Variants in ZNF646 observed in about 807,000 individuals in gnomAD.
The protein encoded by ZNF646 is zinc finger protein 646.
In ZNF646, 49 loss-of-function variants were observed where a neutral mutation model predicts 115.4. That is an observed-to-expected ratio of 0.42 (90% CI 0.34 to 0.54). The LOEUF (loss-of-function observed/expected upper bound fraction) is 0.54. ZNF646 is among the 20% of genes least tolerant of loss of function. The pLI is 0.04. For synonymous variants in ZNF646, 933 were observed against 939.0 expected (o/e 0.99, Z 0.12); for missense variants, 2,269 against 2,457.9 (o/e 0.92, Z 1.62).
Position 31,078,886 on chromosome 16 carries a change from G to A in ZNF646, c.2562G>A (p.Pro854=), listed in dbSNP as rs199500973. The A allele has an allele frequency of 3.5e-5, 57 of 1,613,874 alleles. No homozygotes were observed. The highest frequency in any genetic ancestry group is 4.4e-5 in the Non-Finnish European group (52 of 1,180,034). ...GCATCTATCAGTGCTCCCTCTGCCC[G>A]AAGGAGTTTGACTCTCTGCCTGCCC... is the stretch of plus-strand genomic sequence containing the variant. ...PPGIYQCSLC[P]KEFDSLPALR... is the part of the protein sequence containing the mutation. The change falls in exon 2 of 3, where the codon CCG becomes CCA. Residue 854 remains proline, a synonymous_variant. Coordinates refer to ENST00000300850, the MANE Select transcript of ZNF646 (RefSeq NM_014699.4).
rs1567406337 is a variant in ZNF646 at position 31,077,165 on chromosome 16, C to A, written c.841C>A (p.Leu281Met). Residue 281 changes from leucine to methionine, a missense_variant, in exon 2 of 3, where the codon CTG (leucine) becomes ATG (methionine). Around this residue, in one of 5 missense-constraint regions of ZNF646, gnomAD observed 852 missense variants for 900.2 expected, o/e 0.95. Coordinates refer to ENST00000300850, the MANE Select transcript of ZNF646 (RefSeq NM_014699.4). ...CFKEFSNLMA[L>M]KNHSRLHAQY... is the part of the protein sequence containing the mutation. ...CAAGGAGTTCTCTAACCTCATGGCT[C>A]TGAAGAACCACTCTCGACTGCATGC... 6.2e-7 allele frequency: 1 copy of A among 1,614,230 alleles called. No individual in the cohort carries two copies. The highest frequency in any genetic ancestry group is 8.5e-7 in the Non-Finnish European group (1 of 1,180,044).
At position 31,076,606 on chromosome 16, in the gene ZNF646, G is replaced by A. The variant is rs755242292; in HGVS notation, c.282G>A (p.Met94Ile). The A allele has an allele frequency of 1.2e-6, 2 of 1,613,114 alleles. No individual in the cohort carries two copies. Among genetic ancestry groups the A allele is most frequent in the Non-Finnish European group, 1.7e-6 (2 of 1,179,782 alleles). ...ATCCCATGGCTCTCAAGAGCCATAT[G>A]AGGACACATGCTCCTGAGGGCCGCC... ...FSNPMALKSH[M>I]RTHAPEGRRR... is the part of the protein sequence containing the mutation. Residue 94 changes from methionine (M) to isoleucine (I), a missense_variant, in exon 2 of 3, where the codon ATG becomes ATA. Met to Ile is a conservative substitution (Grantham distance 10, BLOSUM62 1). Coordinates refer to ENST00000300850, the MANE Select transcript of ZNF646 (RefSeq NM_014699.4).
chr16:31,073,676 G>A (rs2057037096), upstream of ZNF646: 1 of 152,196 alleles, frequency 6.6e-6, no homozygotes, highest in African/African-American at 2.4e-5. Context: ...GACTTGTGCT[G>A]ACTCCGTGGC....
chr16:31,083,699 G>A lies in ZNF646; in HGVS notation c.*607G>A. 2 of 1,608,246 alleles carry A rather than the reference G, an allele frequency of 1.2e-6. No homozygotes were observed. The highest frequency in any genetic ancestry group is 1.7e-6 in the Non-Finnish European group (2 of 1,177,704). ...GGCTTCTGGGCCTGCCCTGGTGCCT[G>A]GAATCACACATGACAGGGTGGGGAG... On this transcript the variant is annotated 3_prime_UTR_variant, in exon 3 of 3. Transcript: ENST00000300850.
At position 31,076,964 on chromosome 16, in the gene ZNF646, C is replaced by G; in HGVS notation, c.640C>G (p.Leu214Val). 1.2e-6 allele frequency: 2 copies of G among 1,614,120 alleles called. No homozygotes were observed. Among genetic ancestry groups the G allele is most frequent in the Non-Finnish European group, 1.7e-6 (2 of 1,179,970 alleles). Residue 214 changes from leucine to valine, a missense_variant, in exon 2 of 3, where the codon CTG (leucine) becomes GTG (valine). By Grantham distance (32) the Leu-to-Val change is conservative (BLOSUM62 1). This residue lies in a region of ZNF646 where 334 missense variants were observed against 323.5 expected (regional missense o/e 1.03). Transcript: ENST00000300850. ...CCTTCTTAGCAACTTGGAACAGTAT[C>G]TGGCTGAATCAGTAGTGAACTTCAC... is the stretch of plus-strand genomic sequence containing the variant. ...SSLLSNLEQYLAESVVNFTGG... is the reference protein window; with the variant it reads ...SSLLSNLEQYVAESVVNFTGG...
rs747275769 is a variant in ZNF646, at chr16:31,076,889, C to G, written c.565C>G (p.Pro189Ala). ...GPEDGADGWG[P>A]STNSARAPPL... is the part of the protein sequence containing the mutation. ...TGAGGATGGTGCAGACGGCTGGGGA[C>G]CCTCCACTAACTCTGCCAGAGCCCC... Residue 189 changes from proline to alanine, a missense_variant, in exon 2 of 3, where the codon CCC becomes GCC. Physicochemically the swap from Pro to Ala is conservative, Grantham distance 27. Around this residue, in one of 5 missense-constraint regions of ZNF646, gnomAD observed 334 missense variants for 323.5 expected, o/e 1.03. Transcript: ENST00000300850. The G allele has an allele frequency of 5.0e-6, 8 of 1,613,980 alleles. No homozygotes were observed. The South Asian group carries it at 8.8e-5, about 18-fold the overall frequency.
chr16:31,080,772 T>C lies in ZNF646; in HGVS notation c.4448T>C (p.Leu1483Pro), dbSNP rs1317523001. The C allele has an allele frequency of 6.2e-7, 1 of 1,613,888 alleles. No individual in the cohort carries two copies. Among genetic ancestry groups the C allele is most frequent in the Admixed American group, 1.7e-5 (1 of 60,018 alleles). Residue 1483 changes from leucine (L) to proline (P), a missense_variant, in exon 2 of 3, where the codon CTA becomes CCA. By Grantham distance (98) the Leu-to-Pro change is moderately conservative. Coordinates refer to ENST00000300850, the MANE Select transcript of ZNF646 (RefSeq NM_014699.4). ...NHSGGWVPQF[L>P]TRSEEPEDSV... ...AGTGGAGGCTGGGTTCCTCAGTTCC[T>C]AACTAGGTCAGAGGAGCCAGAGGAC...
In ZNF646 at chr16:31,079,365, C is replaced by T. The variant is rs748840371; in HGVS notation, c.3041C>T (p.Ser1014Phe). The change falls in exon 2 of 3, where the codon TCT (serine) becomes TTT (phenylalanine). Residue 1014 changes from serine (S) to phenylalanine (F), a missense_variant. By Grantham distance (155) the Ser-to-Phe change is radical (BLOSUM62 -2). Around this residue, in one of 5 missense-constraint regions of ZNF646, gnomAD observed 1,062 missense variants for 1,172.8 expected, o/e 0.91. Transcript: ENST00000300850. This position sits in a 1 kb window ranked among gnomAD's most constrained non-coding sequence, Gnocchi z 5.5. ...VDSVLEDIVN[S>F]VSGEGGDAKS... is the part of the protein sequence containing the mutation. Reference sequence around the variant, plus strand: ...AGTGTCTTGGAGGACATAGTGAATTCTGTCTCTGGAGAGGGTGGAGATGCC... The same window carrying T: ...AGTGTCTTGGAGGACATAGTGAATTTTGTCTCTGGAGAGGGTGGAGATGCC... The T allele has an allele frequency of 1.4e-5, 22 of 1,613,966 alleles. No individual in the cohort carries two copies. The highest frequency in any genetic ancestry group is 1.9e-5 in the Non-Finnish European group (22 of 1,180,018).
Position 31,079,004 on chromosome 16 carries a change from G to T in ZNF646, c.2680G>T (p.Ala894Ser). 1 of 1,596,926 alleles carries T rather than the reference G, an allele frequency of 6.3e-7. No individual in the cohort carries two copies. The change falls in exon 2 of 3, where the codon GCT becomes TCT. Residue 894 changes from alanine to serine, a missense_variant. Ala to Ser is a moderately conservative substitution (Grantham distance 99, BLOSUM62 1). Around this residue, in one of 5 missense-constraint regions of ZNF646, gnomAD observed 852 missense variants for 900.2 expected, o/e 0.95. Coordinates refer to ENST00000300850, the MANE Select transcript of ZNF646 (RefSeq NM_014699.4). This position sits in a 1 kb window ranked among gnomAD's most constrained non-coding sequence, Gnocchi z 5.5. ...CTGTGGCATGATCTTCCCTGGGCGG[G>T]CTGGCTACAGGCTTCACCGGCGCCA... ...CLCGMIFPGR[A>S]GYRLHRRQAH...
At chr16:31,073,693 G>C (rs981793911), upstream of ZNF646, 1 of 152,196 alleles carries the variant, frequency 6.6e-6, no homozygotes, top group African/African-American at 2.4e-5. Context: ...TGGCGTCGGC[G>C]TCGGCTCCTC....
In ZNF646 at chr16:31,077,059, C is replaced by T. The variant is rs764862386; in HGVS notation, c.735C>T (p.Gly245=). The T allele has an allele frequency of 1.9e-6, 3 of 1,613,998 alleles. No homozygotes were observed. In the Admixed American group the frequency reaches 5.0e-5, roughly 27 times the overall value. Residue 245 remains glycine, a synonymous_variant, in exon 2 of 3, where the codon GGC becomes GGT. Coordinates refer to ENST00000300850, the MANE Select transcript of ZNF646 (RefSeq NM_014699.4). Reference sequence around the variant, plus strand: ...GGCGGTACAAATGTAGTCAGTGTGGCAAGACCTACAAGCACGCCGGGAGCC... The same window carrying T: ...GGCGGTACAAATGTAGTCAGTGTGGTAAGACCTACAAGCACGCCGGGAGCC... ...EERRYKCSQC[G]KTYKHAGSLT...
rs758936608 is a variant in ZNF646 at position 31,084,183 on chromosome 16, C to G, written c.*1091C>G. 6.2e-7 allele frequency: 1 copy of G among 1,608,752 alleles called. No individual in the cohort carries two copies. The highest frequency in any genetic ancestry group is 1.1e-5 in the South Asian group (1 of 89,920). ...CTGGTTCCTCGGCGAAGTAGACCTG[C>G]CAGTCCAAACTGCTGACCCAGTCCT... is the stretch of plus-strand genomic sequence containing the variant. On this transcript the variant is annotated 3_prime_UTR_variant, in exon 3 of 3. Coordinates refer to ENST00000300850, the MANE Select transcript of ZNF646 (RefSeq NM_014699.4).
chr16:31,074,791 GGGA>G (rs2057055773), intron 1 of ZNF646, 160 bp downstream of exon 1: 1 of 152,240 alleles, frequency 6.6e-6, no homozygotes. Flanking sequence ...GGTTGACTAG[GGGA>G]GGGGACTTTT....
Position 31,084,109 on chromosome 16 carries a change from G to A in ZNF646, c.*1017G>A, listed in dbSNP as rs750757570. The A allele has an allele frequency of 6.4e-7, 1 of 1,564,902 alleles. No homozygotes were observed. The highest frequency in any genetic ancestry group is 2.4e-5 in the East Asian group (1 of 42,276). On this transcript the variant is annotated 3_prime_UTR_variant, in exon 3 of 3. Transcript: ENST00000300850. The stretch of plus-strand genomic sequence containing the variant: ...GGCAGGGTTTGGCAGGAGGCCCCGG[G>A]GCCACATACTTATGTTGGCCAGGCA...
Position 31,077,677 on chromosome 16 carries a change from A to G in ZNF646, c.1353A>G (p.Lys451=). The G allele has an allele frequency of 6.2e-7, 1 of 1,614,098 alleles. No homozygotes were observed. Among genetic ancestry groups the G allele is most frequent in the African/African-American group, 1.3e-5 (1 of 75,062 alleles). Residue 451 remains lysine, a synonymous_variant, in exon 2 of 3, where the codon AAA becomes AAG. Transcript: ENST00000300850. Reference sequence around the variant, plus strand: ...TGCTGCTGGCTGAGACCACCCACAAAGAGGAAGAGGACCCCACCACCACCC... The same window carrying G: ...TGCTGCTGGCTGAGACCACCCACAAGGAGGAAGAGGACCCCACCACCACCC... ...APLLLAETTH[K]EEEDPTTTLD...
rs1210055869 is a variant in ZNF646, at chr16:31,083,803, G to T, written c.*711G>T. On this transcript the variant is annotated 3_prime_UTR_variant, in exon 3 of 3. Coordinates refer to ENST00000300850, the MANE Select transcript of ZNF646 (RefSeq NM_014699.4). ...CCAGGTCCCCTGTCAGCAGCTGGTT[G>T]GTTGGCCTGTGGGGAAGGAAGGAGG... is the stretch of plus-strand genomic sequence containing the variant. 1 of 1,614,070 alleles carries T rather than the reference G, an allele frequency of 6.2e-7. No homozygotes were observed. Among genetic ancestry groups the T allele is most frequent in the Non-Finnish European group, 8.5e-7 (1 of 1,179,928 alleles).
Position 31,083,003 on chromosome 16 carries a change from G to A in ZNF646, c.5410G>A (p.Asp1804Asn), listed in dbSNP as rs371372020. Residue 1804 changes from aspartate to asparagine, a missense_variant, in exon 3 of 3, where the codon GAC becomes AAC. Physicochemically the swap from Asp to Asn is conservative, Grantham distance 23 (BLOSUM62 1). Coordinates refer to ENST00000300850, the MANE Select transcript of ZNF646 (RefSeq NM_014699.4). Reference sequence around the variant, plus strand: ...AGTGGCACCAGTGACGGGCAGAGGGGACTTGCCATTGCCCCCTCCACCCAC... The same window carrying A: ...AGTGGCACCAGTGACGGGCAGAGGGAACTTGCCATTGCCCCCTCCACCCAC... Reference protein sequence around the residue: ...APVAPVTGRGDLPLPPPPTPT... With the variant: ...APVAPVTGRGNLPLPPPPTPT... The A allele has an allele frequency of 8.7e-6, 14 of 1,603,034 alleles. No homozygotes were observed. The African/African-American group carries it at 1.8e-4, about 20-fold the overall frequency.
In ZNF646 at chr16:31,080,009, C is replaced by T; in HGVS notation, c.3685C>T (p.His1229Tyr). Residue 1229 changes from histidine (H) to tyrosine (Y), a missense_variant, in exon 2 of 3, where the codon CAC becomes TAC. Coordinates refer to ENST00000300850, the MANE Select transcript of ZNF646 (RefSeq NM_014699.4). ...INHRQSHQTGHFGCQACSKGF... is the reference protein window; with the variant it reads ...INHRQSHQTGYFGCQACSKGF... ...CCACCGGCAGAGCCACCAGACCGGC[C>T]ACTTTGGCTGTCAGGCCTGCTCCAA... The T allele has an allele frequency of 6.2e-7, 1 of 1,605,182 alleles. No individual in the cohort carries two copies. The highest frequency in any genetic ancestry group is 8.5e-7 in the Non-Finnish European group (1 of 1,173,654).
Position 31,080,379 on chromosome 16 carries a change from G to A in ZNF646, c.4055G>A (p.Arg1352Gln), listed in dbSNP as rs1308255098. 8.1e-6 allele frequency: 13 copies of A among 1,613,190 alleles called. No homozygotes were observed. The highest frequency in any genetic ancestry group is 3.3e-5 in the South Asian group (3 of 91,060). ...KDHQRLHSEN[R>Q]RRRAGRSRRT... ...CACCAGAGGCTGCACTCAGAGAATCGGCGGCGACGGGCTGGACGGTCCAGG... is the reference window on the plus strand; with the variant it reads ...CACCAGAGGCTGCACTCAGAGAATCAGCGGCGACGGGCTGGACGGTCCAGG... Residue 1352 changes from arginine to glutamine, a missense_variant, in exon 2 of 3, where the codon CGG becomes CAG. Physicochemically the swap from Arg to Gln is conservative, Grantham distance 43. Around this residue, in one of 5 missense-constraint regions of ZNF646, gnomAD observed 1,062 missense variants for 1,172.8 expected, o/e 0.91. Transcript: ENST00000300850.
Sources: allele counts gnomAD v4.1 joint callset, GRCh38; gene constraint gnomAD v4.1.1; regional missense constraint gnomAD v4.1.1; non-coding constraint Gnocchi (gnomAD v3.1); transcripts MANE v1.5; gene names NCBI Gene and HGNC (gene_info 2026-07-23, HGNC 2026-07-21).